MTMR8: variants seen among roughly 807,000 people sequenced by gnomAD.
The protein encoded by MTMR8 is myotubularin related protein 8.
MTMR8 carries 65 observed loss-of-function variants against 39.3 expected under a neutral mutation model. That is an observed-to-expected ratio of 1.65 (90% CI 1.35 to 2.03). The LOEUF is 2.03. Ranked by LOEUF, MTMR8 falls within the 30% of genes most tolerant of loss-of-function variation. MTMR8 has a pLI of 0.00. For missense variants in MTMR8, 777 were observed against 538.9 expected, an observed-to-expected ratio of 1.44 and a Z score of -4.37; for synonymous variants, 245 against 185.2, an observed-to-expected ratio of 1.32 and a Z score of -2.62.
intron 12 of MTMR8, among the ~76,000 whole-genome samples, chrX:64,284,826 A>G (rs1366607700): frequency 8.9e-6 from 1 of 112,233 alleles, no homozygotes; most frequent in Admixed American, 9.4e-5. Context: ...TGAAGGAAGC[A>G]CTAAACATGG....
chrX:64,385,684 C>T (rs1453738739), intron 1 of MTMR8, among the ~76,000 whole-genome samples: 3 of 110,893 alleles, frequency 2.7e-5, no homozygotes. Flanking sequence ...CAAGGGTAGG[C>T]GGTGAGGTGC....
At chrX:64,311,358 A>C (rs1268189100) in intron 12 of MTMR8, among the ~76,000 whole-genome samples, 2 of 110,098 alleles carry the variant, frequency 1.8e-5, no homozygotes, top group African/African-American at 3.3e-5. Context: ...TTTTTCTTGT[A>C]AATTTGTTTA....
At chrX:64,285,692 C>T (rs1389754041) in intron 12 of MTMR8, among the ~76,000 whole-genome samples, 4 of 111,891 alleles carry the variant, frequency 3.6e-5, no homozygotes, top group Non-Finnish European at 7.5e-5. Context: ...TGCTCAACTA[C>T]ATGGAAACTG....
At chrX:64,366,371 G>A (rs765653544) in intron 1 of MTMR8, among the ~76,000 whole-genome samples, 2 of 111,880 alleles carry the variant, frequency 1.8e-5, no homozygotes, top group East Asian at 5.6e-4. Flanking sequence ...GCACTCCTCA[G>A]AAAATATAAA....
At position 64,343,631 on chromosome X, in the gene MTMR8, C is replaced by T; in HGVS notation, c.955G>A (p.Ala319Thr). 1 of 1,198,000 alleles carries T rather than the reference C, an allele frequency of 8.3e-7. No homozygotes were observed. The highest frequency in any genetic ancestry group is 3.0e-5 in the East Asian group (1 of 33,675). ...ATTACCTTTGTAATGAAAATTCCAG[C>T]ATCCATAATAGCTTTAATGTGTCTT... ...WLRHIKAIMDAGIFITKAVKV... is the reference protein window; with the variant it reads ...WLRHIKAIMDTGIFITKAVKV... Residue 319 changes from alanine (A) to threonine (T), a missense_variant, in exon 8 of 14, where the codon GCT becomes ACT. Transcript: ENST00000374852.
At chrX:64,304,640 A>G (rs1302146496) in intron 12 of MTMR8, among the ~76,000 whole-genome samples, 3 of 108,254 alleles carry the variant, frequency 2.8e-5, no homozygotes, top group Non-Finnish European at 5.7e-5. Flanking sequence ...TTTCTCAGGC[A>G]CTGAAGATCT....
At chrX:64,313,795 G>T (rs1031400047) in intron 12 of MTMR8, among the ~76,000 whole-genome samples, 4 of 112,279 alleles carry the variant, frequency 3.6e-5, no homozygotes, top group Admixed American at 9.4e-5. Flanking sequence ...TGTGATTTCA[G>T]CCATCTTAGC....
At chrX:64,360,920 G>T (rs1215280122) in intron 1 of MTMR8, among the ~76,000 whole-genome samples, 1 of 111,051 alleles carries the variant, frequency 9.0e-6, no homozygotes, top group African/African-American at 3.3e-5. Context: ...AGATGATAAA[G>T]CACAGAAATT....
chrX:64,391,303 A>T lies in MTMR8; in HGVS notation c.24+4037T>A, dbSNP rs758194908. Among the ~76,000 whole-genome samples the T allele has an allele frequency of 4.5e-5, 5 of 112,074 alleles. No individual in the cohort carries two copies. In the South Asian group the frequency reaches 1.9e-3, roughly 42 times the overall value. On this transcript the variant is annotated intron_variant, in intron 1 of 13. Transcript: ENST00000374852. ...TTCCTTAATGAGCTAGCAATTATTT[A>T]TGTGAAGGAGAGTCCAGAAAACAGA...
At chrX:64,301,143 G>C (rs890449227) in intron 12 of MTMR8, among the ~76,000 whole-genome samples, 2 of 109,268 alleles carry the variant, frequency 1.8e-5, no homozygotes, top group African/African-American at 6.7e-5. Context: ...GATTGGGGAA[G>C]TTCTCCTGGA....
At chrX:64,275,690 T>C (rs1036958563) in intron 12 of MTMR8, among the ~76,000 whole-genome samples, 37 of 108,983 alleles carry the variant, frequency 3.4e-4, no homozygotes, top group African/African-American at 1.2e-3. Context: ...GAAGTGTTTA[T>C]TTTTTGGAAA....
Position 64,388,469 on chromosome X carries a change from A to G in MTMR8, c.24+6871T>C, listed in dbSNP as rs953360232. Among the ~76,000 whole-genome samples, 9 of 112,319 alleles carry G rather than the reference A, an allele frequency of 8.0e-5. No individual in the cohort carries two copies. The Admixed American group carries it at 8.5e-4, about 11-fold the overall frequency. The stretch of plus-strand genomic sequence containing the variant: ...CTTTTGTGTCAAGATGTACAAGGTC[A>G]TTGAAGGTTAAGTGTTAAAAATACA... On this transcript the variant is annotated intron_variant, in intron 1 of 13. Transcript: ENST00000374852.
intron 4 of MTMR8, among the ~76,000 whole-genome samples, chrX:64,353,206 C>T (rs1026584730): frequency 1.8e-5 from 2 of 111,807 alleles, no homozygotes; most frequent in Non-Finnish European, 3.8e-5. Flanking sequence ...AGTAAGACCT[C>T]AAAAGCATAT....
chrX:64,284,439 G>C (rs1017441497), intron 12 of MTMR8, among the ~76,000 whole-genome samples: 1 of 111,764 alleles, frequency 8.9e-6, no homozygotes, highest in African/African-American at 3.3e-5. Flanking sequence ...ATCTAGCAAG[G>C]CAGGCCAACA....
intron 1 of MTMR8, among the ~76,000 whole-genome samples, chrX:64,372,647 A>C (rs1322541789): frequency 1.8e-5 from 2 of 111,851 alleles, no homozygotes; most frequent in African/African-American, 3.3e-5. Flanking sequence ...GTGTTTGCCT[A>C]TATCAATAGT....
intron 12 of MTMR8, among the ~76,000 whole-genome samples, chrX:64,273,750 G>A (rs755656026): frequency 9.0e-6 from 1 of 111,066 alleles, no homozygotes; most frequent in African/African-American, 3.3e-5. Context: ...GGCTGAAAGT[G>A]GAGGGATAAA....
intron 1 of MTMR8, among the ~76,000 whole-genome samples, chrX:64,379,516 C>T (rs1173337178): frequency 9.0e-6 from 1 of 111,486 alleles, no homozygotes; most frequent in Non-Finnish European, 1.9e-5. Flanking sequence ...GAACCGATTC[C>T]TTCTCAAAGA....
chrX:64,275,583 C>A (rs1459692629), intron 12 of MTMR8, among the ~76,000 whole-genome samples: 2 of 100,590 alleles, frequency 2.0e-5, no homozygotes, highest in Non-Finnish European at 4.0e-5. Flanking sequence ...TACTTGGGAG[C>A]TAGGTTTGGA....
intron 12 of MTMR8, among the ~76,000 whole-genome samples, chrX:64,303,910 C>T (rs1921988808): frequency 8.9e-6 from 1 of 112,260 alleles, no homozygotes; most frequent in Admixed American, 9.5e-5. Flanking sequence ...TTTATGTTCT[C>T]TCTGAAAGTG....
Sources: allele counts gnomAD v4.1 joint callset (sites outside exome capture counted in the v4.1 genomes callset), GRCh38; gene constraint gnomAD v4.1.1; transcripts MANE v1.5; gene names NCBI Gene and HGNC (gene_info 2026-07-23, HGNC 2026-07-21).